The following ENOX1 variants were observed in gnomAD, a reference collection of about 807,000 sequenced individuals.
ENOX1 encodes ecto-NOX disulfide-thiol exchanger 1, also known as candidate growth-related and time keeping constitutive hydroquinone (NADH) oxidase.
A neutral mutation model predicts 82.5 loss-of-function variants in ENOX1; 42 were observed. The observed-to-expected ratio is 0.51, with a 90% CI of 0.40 to 0.66. The LOEUF (loss-of-function observed/expected upper bound fraction) is 0.66, where lower values mean the gene tolerates loss of function less well. ENOX1 is among the 30% of genes least tolerant of loss of function. ENOX1 has a pLI of 0.00. For synonymous variants in ENOX1, 271 were observed against 282.2 expected (o/e 0.96, Z 0.40); for missense variants, 608 against 811.6 (o/e 0.75, Z 3.05).
intron 2 of ENOX1, among the ~76,000 whole-genome samples, chr13:43,667,170 C>G (rs2085021766): frequency 6.6e-6 from 1 of 152,138 alleles, no homozygotes; most frequent in East Asian, 1.9e-4. Flanking sequence ...ATAAAGGCTT[C>G]ATGATAAGGT....
intron 3 of ENOX1, among the ~76,000 whole-genome samples, chr13:43,433,927 A>C (rs1329723311): frequency 6.6e-6 from 1 of 152,216 alleles, no homozygotes; most frequent in Non-Finnish European, 1.5e-5. Flanking sequence ...GTAAGGACAC[A>C]GGCCTGAAGC....
intron 3 of ENOX1, among the ~76,000 whole-genome samples, chr13:43,434,825 A>G (rs535469837): frequency 6.6e-6 from 1 of 152,228 alleles, no homozygotes; most frequent in Non-Finnish European, 1.5e-5. Context: ...GATGGTACAG[A>G]TACAGCAAAA....
At chr13:43,448,118 G>A (rs2056758700) in intron 3 of ENOX1, among the ~76,000 whole-genome samples, 1 of 152,198 alleles carries the variant, frequency 6.6e-6, no homozygotes, top group South Asian at 2.1e-4. Context: ...CTGGTGCACT[G>A]CATTTTTGCA....
chr13:43,627,916 A>C (rs1425880727), intron 2 of ENOX1, among the ~76,000 whole-genome samples: 1 of 152,002 alleles, frequency 6.6e-6, no homozygotes, highest in Admixed American at 6.6e-5. Flanking sequence ...TTCTTTCAGC[A>C]CTTGAAAAAT....
At chr13:43,237,568 T>C (rs2042609559) in intron 14 of ENOX1, among the ~76,000 whole-genome samples, 1 of 152,144 alleles carries the variant, frequency 6.6e-6, no homozygotes. Context: ...GACTAGTATA[T>C]GAGCAGTGGT....
intron 3 of ENOX1, among the ~76,000 whole-genome samples, chr13:43,448,352 A>G (rs1295190959): frequency 6.6e-6 from 1 of 152,254 alleles, no homozygotes; most frequent in East Asian, 1.9e-4. Context: ...TGCCAATTTA[A>G]ATATTGTCAA....
At chr13:43,686,795 T>C (rs960659327) in intron 1 of ENOX1, among the ~76,000 whole-genome samples, 2 of 152,146 alleles carry the variant, frequency 1.3e-5, no homozygotes, top group Admixed American at 6.5e-5. Context: ...CTATGACTCA[T>C]CCGAGTATGT....
At chr13:43,302,695 T>C (rs2046647815) in intron 11 of ENOX1, among the ~76,000 whole-genome samples, 3 of 152,196 alleles carry the variant, frequency 2.0e-5, no homozygotes, top group Admixed American at 1.3e-4. Flanking sequence ...TAAACCATTA[T>C]TCTTTATATT....
intron 1 of ENOX1, among the ~76,000 whole-genome samples, chr13:43,765,251 C>T (rs540657284): frequency 6.6e-6 from 1 of 152,276 alleles, no homozygotes; most frequent in South Asian, 2.1e-4. Context: ...AACTGGGAAG[C>T]AGAAAACCCT....
At chr13:43,438,939 G>A (rs1305143335) in intron 3 of ENOX1, among the ~76,000 whole-genome samples, 1 of 152,008 alleles carries the variant, frequency 6.6e-6, no homozygotes, top group East Asian at 1.9e-4. Flanking sequence ...GGGAAGGAGA[G>A]GGCTTCTTGA....
At position 43,643,658 on chromosome 13, in the gene ENOX1, T is replaced by C. The variant is rs879760606; in HGVS notation, c.-219+23821A>G. Among the ~76,000 whole-genome samples the C allele has an allele frequency of 1.6e-3, 237 of 144,980 alleles. 2 individuals are homozygous for C. The highest frequency in any genetic ancestry group is 4.6e-4 in the Non-Finnish European group (30 of 65,632). ...GTATATATATATATATACACACACA[T>C]ATATATATACATGCACATACATATA... On this transcript the variant is annotated intron_variant, in intron 2 of 16. Transcript: ENST00000690772.
chr13:43,736,101 G>C (rs1187034173), intron 1 of ENOX1, among the ~76,000 whole-genome samples: 1 of 152,040 alleles, frequency 6.6e-6, no homozygotes. Flanking sequence ...ATCGTTTAAT[G>C]TACCTTATTG....
chr13:43,433,349 C>T (rs889238148), intron 3 of ENOX1, among the ~76,000 whole-genome samples: 1 of 152,074 alleles, frequency 6.6e-6, no homozygotes, highest in Non-Finnish European at 1.5e-5. Flanking sequence ...AGAACAACAC[C>T]AAGCCATTCA....
intron 14 of ENOX1, among the ~76,000 whole-genome samples, chr13:43,262,906 C>T (rs1315728716): frequency 2.0e-5 from 3 of 152,120 alleles, no homozygotes; most frequent in Non-Finnish European, 4.4e-5. Flanking sequence ...AATAATTTGT[C>T]TCAGTCACAT....
chr13:43,532,890 A>G (rs2078291187), intron 2 of ENOX1, among the ~76,000 whole-genome samples: 1 of 150,530 alleles, frequency 6.6e-6, no homozygotes, highest in Non-Finnish European at 1.5e-5. Flanking sequence ...CAAATATATT[A>G]AATATATATA....
intron 1 of ENOX1, among the ~76,000 whole-genome samples, chr13:43,713,176 G>A (rs1031911405): frequency 2.0e-5 from 3 of 152,114 alleles, no homozygotes; most frequent in Non-Finnish European, 4.4e-5. Flanking sequence ...ATAATTATGT[G>A]GTTTTTGTCT....
intron 2 of ENOX1, among the ~76,000 whole-genome samples, chr13:43,567,151 T>G (rs192520440): frequency 6.6e-6 from 1 of 152,252 alleles, no homozygotes; most frequent in African/African-American, 2.4e-5. Flanking sequence ...GAGGAAAATA[T>G]ATATACAACT....
In ENOX1 at chr13:43,356,538, G is replaced by A. The variant is rs1271498303; in HGVS notation, c.590-386C>T. On this transcript the variant is annotated intron_variant, in intron 7 of 16. Transcript: ENST00000690772. ...CATTTTTTTTCTCTACCTTTTTATG[G>A]CCTTGGTTTTATTATATTTTCAGCT... is the stretch of plus-strand genomic sequence containing the variant. 4.0e-5 allele frequency among the ~76,000 whole-genome samples: 6 copies of A among 151,888 alleles called. No homozygotes were observed. The East Asian group carries it at 9.6e-4, about 24-fold the overall frequency.
At chr13:43,565,421 G>A (rs2079874724) in intron 2 of ENOX1, among the ~76,000 whole-genome samples, 1 of 152,064 alleles carries the variant, frequency 6.6e-6, no homozygotes, top group South Asian at 2.1e-4. Flanking sequence ...CCTCAGCTCT[G>A]GACACAAAAT....
Sources: allele counts gnomAD v4.1 joint callset (sites outside exome capture counted in the v4.1 genomes callset), GRCh38; gene constraint gnomAD v4.1.1; transcripts MANE v1.5; gene names NCBI Gene and HGNC (gene_info 2026-07-23, HGNC 2026-07-21).